The following CSMD1 variants were observed in gnomAD, a reference collection of about 807,000 sequenced individuals.
CSMD1 encodes the protein CUB and Sushi multiple domains 1, also known as CUB and sushi domain-containing protein 1.
CSMD1 carries 213 observed loss-of-function variants against 417.5 expected under a neutral mutation model. The observed-to-expected ratio is 0.51, with a 90% CI of 0.46 to 0.57. The LOEUF (loss-of-function observed/expected upper bound fraction) is 0.57. Ranked by LOEUF, CSMD1 falls within the 20% of genes least tolerant of loss-of-function variation. The pLI is 0.00. For missense variants in CSMD1, 6,923 were observed against 4,529.7 expected (o/e 1.53, Z -15.17); for synonymous variants, 2,862 against 1,736.8 (o/e 1.65, Z -16.11).
At chr8:3,096,645 G>T (rs1815323232) in intron 47 of CSMD1, among the ~76,000 whole-genome samples, 1 of 152,106 alleles carries the variant, frequency 6.6e-6, no homozygotes, top group East Asian at 1.9e-4. Flanking sequence ...GACTAATACA[G>T]TACAACAATC....
chr8:3,077,711 C>T (rs2129001734), intron 49 of CSMD1, among the ~76,000 whole-genome samples: 1 of 152,366 alleles, frequency 6.6e-6, no homozygotes, highest in South Asian at 2.1e-4. Context: ...GGCTTGCCTA[C>T]ACATTTTCCC....
At chr8:4,657,777 A>T (rs1804337631) in intron 1 of CSMD1, among the ~76,000 whole-genome samples, 1 of 151,848 alleles carries the variant, frequency 6.6e-6, no homozygotes, top group Non-Finnish European at 1.5e-5. Context: ...GTAGAAAAAG[A>T]CTTAAACCTA....
chr8:3,284,377 C>G (rs1480228816), intron 25 of CSMD1, 31 bp from the exon 26 acceptor site: 5 of 1,548,936 alleles, frequency 3.2e-6, no homozygotes, highest in Non-Finnish European at 4.4e-6. Flanking sequence ...GCGCTACTTG[C>G]CGTGCATCGA....
chr8:4,937,387 A>C (rs1807693224), intron 1 of CSMD1, among the ~76,000 whole-genome samples: 1 of 152,164 alleles, frequency 6.6e-6, no homozygotes, highest in Non-Finnish European at 1.5e-5. Flanking sequence ...TGTATTCTTT[A>C]CTGGGAAATA....
chr8:3,334,870 TG>T (rs1200252077), intron 23 of CSMD1, among the ~76,000 whole-genome samples: 1 of 152,250 alleles, frequency 6.6e-6, no homozygotes, highest in Non-Finnish European at 1.5e-5. Flanking sequence ...CACAGCCTGC[TG>T]GGGAGCTGCA....
intron 12 of CSMD1, among the ~76,000 whole-genome samples, chr8:3,428,387 T>G (rs767423904): frequency 2.6e-5 from 4 of 152,136 alleles, no homozygotes; most frequent in Non-Finnish European, 4.4e-5. Flanking sequence ...GTACAAATCT[T>G]GACAGAAGCT....
At chr8:4,587,041 T>C (rs919153712) in intron 2 of CSMD1, among the ~76,000 whole-genome samples, 3 of 152,244 alleles carry the variant, frequency 2.0e-5, no homozygotes, top group African/African-American at 4.8e-5. Context: ...TTTGAATGAA[T>C]GCTTTCATCT....
At chr8:3,723,587 C>A (rs1244672696) in intron 6 of CSMD1, among the ~76,000 whole-genome samples, 1 of 152,066 alleles carries the variant, frequency 6.6e-6, no homozygotes, top group Non-Finnish European at 1.5e-5. Context: ...GTCTTTTTGC[C>A]AATGATGAAA....
intron 25 of CSMD1, among the ~76,000 whole-genome samples, chr8:3,295,505 G>T (rs778646438): frequency 1.3e-5 from 2 of 152,260 alleles, no homozygotes; most frequent in African/African-American, 2.4e-5. Context: ...CTTTAAAACT[G>T]TAAGTGTTTT....
At chr8:4,433,427 A>G (rs1451343697) in intron 2 of CSMD1, among the ~76,000 whole-genome samples, 1 of 152,112 alleles carries the variant, frequency 6.6e-6, no homozygotes, top group African/African-American at 2.4e-5. Flanking sequence ...TGAACCAGGA[A>G]TAGGGCACAT....
At chr8:4,731,631 G>A (rs180942323) in intron 1 of CSMD1, among the ~76,000 whole-genome samples, 2 of 152,278 alleles carry the variant, frequency 1.3e-5, no homozygotes, top group Admixed American at 1.3e-4. Flanking sequence ...TGCACTCCAG[G>A]AGAAAGGTGG....
chr8:4,542,300 T>A (rs1182520027), intron 2 of CSMD1, among the ~76,000 whole-genome samples: 1 of 152,140 alleles, frequency 6.6e-6, no homozygotes, highest in Non-Finnish European at 1.5e-5. Flanking sequence ...CCCATGAATA[T>A]GTTAATATAA....
intron 3 of CSMD1, among the ~76,000 whole-genome samples, chr8:4,380,997 A>G (rs990119264): frequency 2.0e-5 from 3 of 152,150 alleles, no homozygotes; most frequent in Admixed American, 6.6e-5. Flanking sequence ...AGCGTATCTC[A>G]CTGCCAGAAC....
At chr8:4,635,624 A>C (rs959541384) in intron 2 of CSMD1, among the ~76,000 whole-genome samples, 2 of 152,150 alleles carry the variant, frequency 1.3e-5, no homozygotes, top group African/African-American at 4.8e-5. Context: ...GCATTTGAAT[A>C]AAATGGATTG....
intron 26 of CSMD1, among the ~76,000 whole-genome samples, chr8:3,270,623 T>C (rs1770078217): frequency 6.6e-6 from 1 of 152,202 alleles, no homozygotes; most frequent in Admixed American, 6.5e-5. Context: ...TATATAGGTA[T>C]AATGTGTTCT....
intron 5 of CSMD1, among the ~76,000 whole-genome samples, chr8:3,937,130 T>C (rs1215329602): frequency 2.0e-5 from 3 of 152,180 alleles, no homozygotes; most frequent in African/African-American, 7.2e-5. Flanking sequence ...AGCTGCTTCT[T>C]ATGGATGAGC....
chr8:3,857,808 G>C (rs989201634), intron 5 of CSMD1, among the ~76,000 whole-genome samples: 1 of 152,196 alleles, frequency 6.6e-6, no homozygotes, highest in African/African-American at 2.4e-5. Flanking sequence ...CACCAGGCCA[G>C]AGTAGAAAAG....
intron 6 of CSMD1, among the ~76,000 whole-genome samples, chr8:3,748,021 G>A (rs1417956758): frequency 6.6e-6 from 1 of 152,082 alleles, no homozygotes; most frequent in Non-Finnish European, 1.5e-5. Context: ...ATAAAACAAG[G>A]TAGCAAGACA....
intron 10 of CSMD1, among the ~76,000 whole-genome samples, chr8:3,539,644 C>T (rs1798354745): frequency 6.6e-6 from 1 of 152,070 alleles, no homozygotes; most frequent in Non-Finnish European, 1.5e-5. Context: ...CTCCCCCATC[C>T]CTCACTGTTG....
Sources: allele counts gnomAD v4.1 joint callset (sites outside exome capture counted in the v4.1 genomes callset), GRCh38; gene constraint gnomAD v4.1.1; transcripts MANE v1.5; gene names NCBI Gene and HGNC (gene_info 2026-07-23, HGNC 2026-07-21).